LZTR1: variants seen among roughly 807,000 people sequenced by gnomAD.
LZTR1 encodes leucine-zipper-like transcriptional regulator 1.
In LZTR1, 260 loss-of-function variants were observed where a neutral mutation model predicts 105.7. The observed-to-expected ratio is 2.46, with a 90% CI of 2.22 to 2.72. LZTR1 has a LOEUF of 2.72. Among genes scored for constraint, LZTR1 ranks in the 30% most tolerant of loss-of-function variants. LZTR1 has a pLI of 0.00. For synonymous variants in LZTR1, 490 were observed against 476.4 expected (o/e 1.03, Z -0.37); for missense variants, 1,214 against 1,166.9 (o/e 1.04, Z -0.59).
chr22:20,985,927 C>T lies in LZTR1; in HGVS notation c.320+30C>T, dbSNP rs746473586. The T allele has an allele frequency of 3.7e-6, 6 of 1,610,550 alleles. No homozygotes were observed. In the East Asian group the frequency reaches 6.7e-5, roughly 18 times the overall value. ...GTGGCCCCGTGCTCCAGGGCCCTGC[C>T]TTTCCTCCTAGAACACAGTGGCACA... On this transcript the variant is annotated intron_variant, in intron 3 of 20. Transcript: ENST00000646124.
intron 14 of LZTR1, 122 bp from the exon 15 acceptor site, chr22:20,994,436 C>T (rs954591831): frequency 2.2e-5 from 28 of 1,268,614 alleles, no homozygotes; most frequent in Non-Finnish European, 2.9e-5. Flanking sequence ...CCATCTGAGT[C>T]CCCCGAGGCC....
intron 1 of LZTR1, 93 bp from the exon 2 acceptor site, chr22:20,982,934 T>C (rs1924249800): frequency 2.0e-6 from 2 of 1,019,282 alleles, no homozygotes; most frequent in Non-Finnish European, 1.6e-6. Flanking sequence ...AGGTGATACC[T>C]AACTTCCGTG....
intron 3 of LZTR1, chr22:20,986,625 TAGATG>T (rs1924398358): frequency 6.6e-6 from 1 of 152,026 alleles, no homozygotes; most frequent in Admixed American, 6.6e-5. Flanking sequence ...GATAGGTAGA[TAGATG>T]ATAGATGACA....
At chr22:20,988,183 G>A (rs925427848) in intron 5 of LZTR1, 65 bp downstream of exon 5, 1 of 998,488 alleles carries the variant, frequency 1.0e-6, no homozygotes, top group South Asian at 1.3e-5. Context: ...CCTGGGATCT[G>A]CCCCCTTTTG....
Position 20,996,084 on chromosome 22 carries a change from G to A in LZTR1, c.2191G>A (p.Glu731Lys), listed in dbSNP as rs377445349. The change falls in exon 18 of 21, where the codon GAG becomes AAG. Residue 731 changes from glutamate (E) to lysine (K), a missense_variant. Physicochemically the swap from Glu to Lys is moderately conservative, Grantham distance 56. Coordinates refer to ENST00000646124, the MANE Select transcript of LZTR1 (RefSeq NM_006767.4). ...ESMLRYIYYG[E>K]VNMPPEDSLY... ...CATGCTGCGCTACATCTACTACGGC[G>A]AGGTCAACATGCCGCCCGAGGACTC... The A allele has an allele frequency of 8.1e-6, 13 of 1,613,110 alleles. No individual in the cohort carries two copies. In the African/African-American group the frequency reaches 1.1e-4, roughly 13 times the overall value.
At chr22:20,993,187 C>CA (rs1476716414) in intron 11 of LZTR1, among the ~76,000 whole-genome samples, 1 of 152,250 alleles carries the variant, frequency 6.6e-6, no homozygotes, top group Non-Finnish European at 1.5e-5. Flanking sequence ...TCACAGGCAT[C>CA]ATAGCCTGGC....
Position 20,995,961 on chromosome 22 carries a change from A to G in LZTR1, c.2070-2A>G, listed in dbSNP as rs774954465. 2 of 1,613,680 alleles carry G rather than the reference A, an allele frequency of 1.2e-6. No homozygotes were observed. The highest frequency in any genetic ancestry group is 2.2e-5 in the South Asian group (2 of 91,088). ...CAGGTGCCTACCGCTCGTTGTCTGC[A>G]GCTACTTTGAAGCCATGTTCCGGTC... On this transcript the variant is annotated splice_acceptor_variant, in intron 17 of 20. Coordinates refer to ENST00000646124, the MANE Select transcript of LZTR1 (RefSeq NM_006767.4). LOFTEE classifies it high-confidence loss of function.
chr22:20,992,101 T>C (rs2147965281), intron 9 of LZTR1, 113 bp from the exon 10 acceptor site: 2 of 1,098,270 alleles, frequency 1.8e-6, no homozygotes, highest in Non-Finnish European at 2.6e-6. Flanking sequence ...CCCACGGCCA[T>C]GCAGCTCTTC....
In LZTR1 at chr22:20,994,580, C is replaced by A; in HGVS notation, c.1638C>A (p.Leu546=). 1 of 1,611,532 alleles carries A rather than the reference C, an allele frequency of 6.2e-7. No homozygotes were observed. Among genetic ancestry groups the A allele is most frequent in the South Asian group, 1.1e-5 (1 of 91,076 alleles). ...CAGGCCATGTGGAGGATGTGCTGCT[C>A]ATCATGGATGTGTACAAACTGGCAC... ...PRKGHVEDVL[L]IMDVYKLALS... is the part of the protein sequence containing the mutation. The change falls in exon 15 of 21, where the codon CTC becomes CTA. Residue 546 remains leucine, a synonymous_variant. Coordinates refer to ENST00000646124, the MANE Select transcript of LZTR1 (RefSeq NM_006767.4).
chr22:20,996,255 G>C, intron 18 of LZTR1, 143 bp downstream of exon 18: 1 of 893,340 alleles, frequency 1.1e-6, no homozygotes, highest in Non-Finnish European at 1.7e-6. Context: ...TGGTGCCTGG[G>C]GCTGGGCCTG....
chr22:20,993,423 C>A, intron 11 of LZTR1: 1 of 581,018 alleles, frequency 1.7e-6, no homozygotes, highest in Admixed American at 3.0e-5. Context: ...GCAAGAGAGG[C>A]AGGGGAGCCC....
At position 20,995,766 on chromosome 22, in the gene LZTR1, A is replaced by G. The variant is rs1356385580; in HGVS notation, c.1963A>G (p.Met655Val). The change falls in exon 17 of 21, where the codon ATG becomes GTG. Residue 655 changes from methionine (M) to valine (V), a missense_variant. Met to Val is a conservative substitution (Grantham distance 21). Transcript: ENST00000646124. ...VDIGTSLIQD[M>V]KAYLEGAGAE... The stretch of plus-strand genomic sequence containing the variant: ...CCCAGGCACATCTCTGATCCAGGAC[A>G]TGAAGGCATACCTGGAGGGAGCGGG... 6.2e-7 allele frequency: 1 copy of G among 1,613,604 alleles called. No homozygotes were observed. The highest frequency in any genetic ancestry group is 1.6e-4 in the Middle Eastern group (1 of 6,062).
At chr22:20,996,861 C>G (rs777850717) in intron 19 of LZTR1, 25 bp from the exon 20 acceptor site, 1 of 1,610,424 alleles carries the variant, frequency 6.2e-7, no homozygotes, top group South Asian at 1.1e-5. Context: ...AAAGGGGCAG[C>G]GCCTCAAGGT....
At chr22:20,994,756 T>C in intron 15 of LZTR1, 29 bp downstream of exon 15, 1 of 1,608,956 alleles carries the variant, frequency 6.2e-7, no homozygotes, top group South Asian at 1.1e-5. Context: ...GCAATCAGGG[T>C]TGGGTGGGGT....
intron 6 of LZTR1, among the ~76,000 whole-genome samples, chr22:20,989,326 G>A (rs1044727965): frequency 6.6e-6 from 1 of 152,246 alleles, no homozygotes; most frequent in Non-Finnish European, 1.5e-5. Flanking sequence ...GTGGCATCTG[G>A]GATATCTGTG....
rs1924914653 is a variant in LZTR1 at position 20,997,533 on chromosome 22, GAC to G, written c.*189_*190del. On this transcript the variant is annotated 3_prime_UTR_variant, in exon 21 of 21. Coordinates refer to ENST00000646124, the MANE Select transcript of LZTR1 (RefSeq NM_006767.4). ...GCCCCAAACTCATTAATTCACTGAA[GAC>G]ACAGGTCCCACAGGGAGCGGATGAT... The G allele has an allele frequency of 1.8e-6, 1 of 571,360 alleles. No homozygotes were observed. The highest frequency in any genetic ancestry group is 2.0e-5 in the South Asian group (1 of 49,268). 35.4% of individuals were successfully genotyped at this position (571,360 alleles called of 1,614,324 possible). A position where few individuals can be genotyped will look rare whatever the true frequency, so the allele number is the denominator to read the frequency against.
rs764422501 is a variant in LZTR1 at position 20,996,913 on chromosome 22, G to C, written c.2353G>C (p.Ala785Pro). The change falls in exon 20 of 21, where the codon GCA (alanine) becomes CCA (proline). Residue 785 changes from alanine (A) to proline (P), a missense_variant. Transcript: ENST00000646124. ...CCTGGAGGCAGCTGACAAAACGCAGGCACTGGACATGAAGCGGCACTGCCT... is the reference window on the plus strand; with the variant it reads ...CCTGGAGGCAGCTGACAAAACGCAGCCACTGGACATGAAGCGGCACTGCCT... ...QILEAADKTQ[A>P]LDMKRHCLHI... The C allele has an allele frequency of 1.2e-6, 2 of 1,613,074 alleles. No individual in the cohort carries two copies. Among genetic ancestry groups the C allele is most frequent in the Non-Finnish European group, 1.7e-6 (2 of 1,179,508 alleles).
rs746246349 is a variant in LZTR1, at chr22:20,994,925, TGAA to T, written c.1843_1845del (p.Lys615del). ...TCCCACTTCAACCAGGTGATCATGA[TGAA>T]GGAGTTCGAGCGCCTCTCCTCTCCA... On this transcript the variant is annotated inframe_deletion, in exon 16 of 21. Transcript: ENST00000646124. 5.0e-6 allele frequency: 8 copies of T among 1,613,418 alleles called. No individual in the cohort carries two copies. Among genetic ancestry groups the T allele is most frequent in the South Asian group, 1.1e-5 (1 of 91,090 alleles).
rs1015372585 is a variant in LZTR1, at chr22:20,985,052, C to T, written c.264-789C>T. Among the ~76,000 whole-genome samples, 4 of 136,172 alleles carry T rather than the reference C, an allele frequency of 2.9e-5. No individual in the cohort carries two copies. In the South Asian group the frequency reaches 6.9e-4, roughly 24 times the overall value. 89.3% of individuals were successfully genotyped at this position (136,172 alleles called of 152,430 possible). A position where few individuals can be genotyped will look rare whatever the true frequency, so the allele number is the denominator to read the frequency against. ...GAGCCTGGGCAGGAAAGCAAGACTT[C>T]GTTTCTATTTTTTTTTTTTTTTTTT... On this transcript the variant is annotated intron_variant, in intron 2 of 20. Coordinates refer to ENST00000646124, the MANE Select transcript of LZTR1 (RefSeq NM_006767.4).
Sources: allele counts gnomAD v4.1 joint callset (sites outside exome capture counted in the v4.1 genomes callset), GRCh38; gene constraint gnomAD v4.1.1; transcripts MANE v1.5; gene names NCBI Gene and HGNC (gene_info 2026-07-23, HGNC 2026-07-21).